The following RELN variants were observed in gnomAD, a reference collection of about 807,000 sequenced individuals.
RELN encodes the protein reelin.
Under a neutral mutation model 427.6 loss-of-function variants are expected in RELN, and 108 were observed. That is an observed-to-expected ratio of 0.25 (90% CI 0.22 to 0.30). The LOEUF is 0.30. Among genes scored for constraint, RELN ranks in the 10% least tolerant of loss-of-function variants. The pLI is 1.00. For missense variants in RELN, 3,715 were observed against 4,302.8 expected (o/e 0.86, Z 3.82); for synonymous variants, 1,524 against 1,513.4 (o/e 1.01, Z -0.16).
chr7:103,951,234 A>T (rs896028562), intron 1 of RELN, among the ~76,000 whole-genome samples: 2 of 152,254 alleles, frequency 1.3e-5, no homozygotes, highest in African/African-American at 2.4e-5. Flanking sequence ...TCAGTTTTCC[A>T]ACTGCTAATA....
In RELN at chr7:103,956,743, G is replaced by A. The variant is rs185839932; in HGVS notation, c.226+32388C>T. On this transcript the variant is annotated intron_variant, in intron 1 of 64. Coordinates refer to ENST00000428762, the MANE Select transcript of RELN (RefSeq NM_005045.4). ...TCAATGTAGACTTGAAAAGGAGGTG[G>A]ATATGCTAAGGATGAAGCTGTAGAT... is the stretch of plus-strand genomic sequence containing the variant. 2.1e-3 allele frequency among the ~76,000 whole-genome samples: 326 copies of A among 152,290 alleles called. 1 individual carries two copies. The highest frequency in any genetic ancestry group is 2.1e-3 in the Non-Finnish European group (140 of 68,030).
At chr7:103,756,294 T>A (rs1791150703) in intron 4 of RELN, among the ~76,000 whole-genome samples, 2 of 152,204 alleles carry the variant, frequency 1.3e-5, no homozygotes, top group Non-Finnish European at 2.9e-5. Flanking sequence ...TCAGAATCTC[T>A]GAGGGTGGAG....
chr7:103,789,296 T>TAAA (rs2116263432), intron 3 of RELN, among the ~76,000 whole-genome samples: 1 of 152,194 alleles, frequency 6.6e-6, no homozygotes, highest in African/African-American at 2.4e-5. Context: ...ACTTCATGAC[T>TAAA]AAAACACCTA....
rs1019996385 is a variant in RELN, at chr7:103,677,831, T to C, written c.1289+4285A>G. ...GAGGGTTTCACCTACTTAGCAGTCC[T>C]TATAGCCCCACCCTGATTCCTTCGT... On this transcript the variant is annotated intron_variant, in intron 11 of 64. Coordinates refer to ENST00000428762, the MANE Select transcript of RELN (RefSeq NM_005045.4). Among the ~76,000 whole-genome samples, 6 of 149,362 alleles carry C rather than the reference T, an allele frequency of 4.0e-5. No homozygotes were observed. In the East Asian group the frequency reaches 1.0e-3, roughly 25 times the overall value.
chr7:103,617,508 A>ATG (rs955806817), intron 20 of RELN, among the ~76,000 whole-genome samples: 40 of 150,526 alleles, frequency 2.7e-4, no homozygotes, highest in Admixed American at 3.3e-4. Flanking sequence ...ATCTATATAT[A>ATG]TGTGTGTGTG....
chr7:103,796,602 C>T (rs373425244), intron 3 of RELN, among the ~76,000 whole-genome samples: 3 of 152,036 alleles, frequency 2.0e-5, no homozygotes, highest in South Asian at 2.1e-4. Flanking sequence ...GGTGTGGTGA[C>T]GAACGACTGT....
At chr7:103,547,698 T>C (rs1165191400) in intron 41 of RELN, among the ~76,000 whole-genome samples, 1 of 152,238 alleles carries the variant, frequency 6.6e-6, no homozygotes. Context: ...AAGCACTTCT[T>C]ACCTTTTGAA....
At chr7:103,794,592 C>T (rs1471923392) in intron 3 of RELN, among the ~76,000 whole-genome samples, 3 of 152,198 alleles carry the variant, frequency 2.0e-5, no homozygotes, top group African/African-American at 7.2e-5. Flanking sequence ...AAGTAGGATT[C>T]TCCCATGAGC....
chr7:103,749,555 T>C (rs1790941159), intron 5 of RELN, 51 bp from the exon 6 acceptor site: 2 of 1,312,142 alleles, frequency 1.5e-6, no homozygotes, highest in South Asian at 2.4e-5. Context: ...AACAGTACAT[T>C]TAGCTAAACA....
intron 1 of RELN, among the ~76,000 whole-genome samples, chr7:103,949,022 C>CAAAAA (rs66678362): frequency 4.7e-4 from 42 of 88,852 alleles, no homozygotes; most frequent in African/African-American, 1.9e-3. Flanking sequence ...ACATTGTCTC[C>CAAAAA]AAAAAAAAAA....
chr7:103,611,585 AC>A, intron 21 of RELN, 25 bp downstream of exon 21: 1 of 1,594,922 alleles, frequency 6.3e-7, no homozygotes, highest in Non-Finnish European at 8.6e-7. Context: ...GTTACCTGTT[AC>A]AAGGTTTAAG....
At chr7:103,630,957 C>A (rs1445414686) in intron 19 of RELN, among the ~76,000 whole-genome samples, 1 of 147,398 alleles carries the variant, frequency 6.8e-6, no homozygotes, top group Non-Finnish European at 1.5e-5. Context: ...TTTAAAACTT[C>A]AACATCTAAG....
intron 10 of RELN, among the ~76,000 whole-genome samples, chr7:103,690,530 T>A (rs1054237177): frequency 3.3e-5 from 5 of 152,140 alleles, no homozygotes; most frequent in African/African-American, 1.2e-4. Flanking sequence ...ATCTTTAGAA[T>A]AGGAGCAGCT....
intron 11 of RELN, among the ~76,000 whole-genome samples, chr7:103,664,296 T>A (rs1238939243): frequency 2.6e-5 from 4 of 152,220 alleles, no homozygotes; most frequent in Admixed American, 1.3e-4. Context: ...TGTTTACATA[T>A]GCATGTGGGA....
intron 4 of RELN, among the ~76,000 whole-genome samples, chr7:103,761,233 G>T (rs1451190779): frequency 2.0e-5 from 3 of 152,108 alleles, no homozygotes; most frequent in Admixed American, 6.5e-5. Flanking sequence ...AGGAGATAGA[G>T]AACTCTTTCA....
intron 46 of RELN, among the ~76,000 whole-genome samples, chr7:103,526,718 T>C (rs1199050208): frequency 1.3e-5 from 2 of 152,218 alleles, no homozygotes; most frequent in African/African-American, 4.8e-5. Context: ...CTTATGTTTA[T>C]GTGCTGATGC....
rs1563004275 is a variant in RELN at position 103,773,134 on chromosome 7, T to TTCTTTCTTTCTC, written c.544+3422_544+3423insGAGAAAGAAAGA. On this transcript the variant is annotated intron_variant, in intron 4 of 64. Transcript: ENST00000428762. ...TTTCTTTCTTTCTTTCTTTCTTTCTTTCTTTCTTTCTTTCTTTCTTTCTTT... is the reference window on the plus strand; with the variant it reads ...TTTCTTTCTTTCTTTCTTTCTTTCTTTCTTTCTTTCTCTCTTTCTTTCTTTCTTTCTTTCTTT... Among the ~76,000 whole-genome samples, 26 of 98,408 alleles carry TTCTTTCTTTCTC rather than the reference T, an allele frequency of 2.6e-4. 1 individual carries two copies. The highest frequency in any genetic ancestry group is 7.8e-4 in the South Asian group (2 of 2,574). 64.6% of individuals were successfully genotyped at this position (98,408 alleles called of 152,430 possible).
chr7:103,836,329 A>G (rs909728495), intron 2 of RELN, among the ~76,000 whole-genome samples: 14 of 152,134 alleles, frequency 9.2e-5, no homozygotes, highest in African/African-American at 2.7e-4. Flanking sequence ...TTTAAATTTA[A>G]ATTAATTAAA....
intron 2 of RELN, among the ~76,000 whole-genome samples, chr7:103,863,161 G>A (rs991574890): frequency 6.6e-6 from 1 of 152,136 alleles, no homozygotes; most frequent in Admixed American, 6.6e-5. Context: ...TGGCAACTCT[G>A]ATAAAAAGAG....
Sources: gnomAD v4.1 joint callset for allele counts (sites outside exome capture counted in the v4.1 genomes callset) on GRCh38, gnomAD v4.1.1 for gene constraint, MANE v1.5 for transcripts, NCBI Gene and HGNC (gene_info 2026-07-23, HGNC 2026-07-21) for gene names.